The following CFAP43 variants were observed in gnomAD, a reference collection of about 807,000 sequenced individuals.
CFAP43 encodes the protein cilia- and flagella-associated protein 43.
In CFAP43, 155 loss-of-function variants were observed where a neutral mutation model predicts 218.9. The observed-to-expected ratio is 0.71, with a 90% CI of 0.62 to 0.81. The LOEUF (loss-of-function observed/expected upper bound fraction) is 0.81. CFAP43 is among the 30% of genes least tolerant of loss of function. CFAP43 has a pLI of 0.00. For synonymous variants in CFAP43, 645 were observed against 681.3 expected, an observed-to-expected ratio of 0.95 and a Z score of 0.83; for missense variants, 1,778 against 1,954.3, an observed-to-expected ratio of 0.91 and a Z score of 1.70.
chr10:104,188,507 C>A, intron 12 of CFAP43, 97 bp from the exon 13 acceptor site: 1 of 1,429,620 alleles, frequency 7.0e-7, no homozygotes. Context: ...GACTTGCCTT[C>A]ACTATATCTT....
chr10:104,197,898 G>A, intron 9 of CFAP43, 24 bp downstream of exon 9: 1 of 1,458,402 alleles, frequency 6.9e-7, no homozygotes, highest in Non-Finnish European at 9.6e-7. Context: ...TAGTCCTACT[G>A]TGACACAGTA....
At chr10:104,160,318 A>C (rs752057144) in intron 27 of CFAP43, among the ~76,000 whole-genome samples, 5 of 152,246 alleles carry the variant, frequency 3.3e-5, no homozygotes, top group Non-Finnish European at 7.3e-5. Context: ...GGGACCCTAC[A>C]GGGCCACAGT....
intron 34 of CFAP43, among the ~76,000 whole-genome samples, chr10:104,134,901 C>G (rs2087367245): frequency 6.6e-6 from 1 of 152,054 alleles, no homozygotes; most frequent in Admixed American, 6.6e-5. Context: ...TACCTTGATA[C>G]CAAAGCCAGA....
At position 104,140,842 on chromosome 10, in the gene CFAP43, C is replaced by T. The variant is rs2087673618; in HGVS notation, c.4431G>A (p.Arg1477=). The part of the protein sequence containing the change: ...NIIEDLNSVI[R]TQGQKKVASM... ...AAATAAAAATAAAAAGTATAATTAC[C>T]CGAATCACAGAATTCAAGTCTTCAA... Residue 1477 remains arginine, a splice_region_variant and synonymous_variant, in exon 34 of 38, where the codon CGG becomes CGA. Coordinates refer to ENST00000357060, the MANE Select transcript of CFAP43 (RefSeq NM_025145.7). 6.3e-7 allele frequency: 1 copy of T among 1,589,608 alleles called. No individual in the cohort carries two copies. Among genetic ancestry groups the T allele is most frequent in the Admixed American group, 1.9e-5 (1 of 53,754 alleles).
At chr10:104,188,450 A>G (rs1214524543) in intron 12 of CFAP43, 40 bp from the exon 13 acceptor site, 1 of 1,599,970 alleles carries the variant, frequency 6.3e-7, no homozygotes, top group Admixed American at 1.7e-5. Flanking sequence ...GTGGTCATTG[A>G]TAAGTTTAAA....
At chr10:104,167,847 A>G in intron 21 of CFAP43, 110 bp from the exon 22 acceptor site, 2 of 676,644 alleles carry the variant, frequency 3.0e-6, no homozygotes, top group South Asian at 2.5e-5. Flanking sequence ...ATAGGTTATC[A>G]TGTGTTAGTA....
rs1323289860 is a variant in CFAP43 at position 104,161,182 on chromosome 10, C to T, written c.3415-20G>A. 6 of 1,608,686 alleles carry T rather than the reference C, an allele frequency of 3.7e-6. No individual in the cohort carries two copies. Among genetic ancestry groups the T allele is most frequent in the Non-Finnish European group, 5.1e-6 (6 of 1,177,992 alleles). On this transcript the variant is annotated intron_variant, in intron 26 of 37. Coordinates refer to ENST00000357060, the MANE Select transcript of CFAP43 (RefSeq NM_025145.7). Reference sequence around the variant, plus strand: ...AATCACCTGAAGATATGAAGAAAAGCATATATTTCAGCTCAAACGTTAAAT... The same window carrying T: ...AATCACCTGAAGATATGAAGAAAAGTATATATTTCAGCTCAAACGTTAAAT...
At chr10:104,211,306 T>A (rs890675067) in intron 5 of CFAP43, among the ~76,000 whole-genome samples, 7 of 152,194 alleles carry the variant, frequency 4.6e-5, no homozygotes, top group African/African-American at 1.7e-4. Context: ...CTGACAAGAA[T>A]GTAAGCTCCA....
intron 5 of CFAP43, among the ~76,000 whole-genome samples, chr10:104,211,351 G>A (rs2090857011): frequency 6.6e-6 from 1 of 152,138 alleles, no homozygotes; most frequent in South Asian, 2.1e-4. Context: ...GCCACCATGC[G>A]AATCCCATTG....
intron 5 of CFAP43, among the ~76,000 whole-genome samples, chr10:104,210,458 C>A (rs1239451035): frequency 2.0e-5 from 3 of 152,218 alleles, no homozygotes; most frequent in African/African-American, 4.8e-5. Context: ...CCTCCGCCTC[C>A]CGGCTTCAAG....
chr10:104,179,727 C>T, intron 18 of CFAP43, 113 bp downstream of exon 18: 1 of 777,426 alleles, frequency 1.3e-6, no homozygotes, highest in Non-Finnish European at 2.2e-6. Flanking sequence ...AATGCTCTGC[C>T]AAGTGGTGTC....
chr10:104,232,299 G>A lies in CFAP43; in HGVS notation c.-53C>T, dbSNP rs1306543312. The A allele has an allele frequency of 3.5e-5, 52 of 1,505,158 alleles. No individual in the cohort carries two copies. Among genetic ancestry groups the A allele is most frequent in the Admixed American group, 1.1e-4 (5 of 44,246 alleles). The allele number at this position is 1,505,158 out of a possible 1,614,324, so 93.2% of individuals were successfully genotyped here. On this transcript the variant is annotated 5_prime_UTR_variant, in exon 1 of 38. Coordinates refer to ENST00000357060, the MANE Select transcript of CFAP43 (RefSeq NM_025145.7). ...GGCAGCGCACGCAGCACCCCAGGGCGGGTCGGTTACCTTTCCGCCGCCGCG... is the reference window on the plus strand; with the variant it reads ...GGCAGCGCACGCAGCACCCCAGGGCAGGTCGGTTACCTTTCCGCCGCCGCG...
intron 20 of CFAP43, among the ~76,000 whole-genome samples, chr10:104,171,202 T>G (rs865786367): frequency 2.0e-5 from 3 of 152,204 alleles, no homozygotes; most frequent in Non-Finnish European, 4.4e-5. Flanking sequence ...ACAGCAGAAA[T>G]GTGTCTGTCT....
chr10:104,144,326 T>A (rs2087851227), intron 31 of CFAP43, among the ~76,000 whole-genome samples: 1 of 152,188 alleles, frequency 6.6e-6, no homozygotes, highest in South Asian at 2.1e-4. Context: ...AGAAGGTATG[T>A]AATTGGGCTA....
intron 20 of CFAP43, among the ~76,000 whole-genome samples, chr10:104,171,893 G>A (rs990898503): frequency 2.6e-5 from 4 of 152,164 alleles, no homozygotes; most frequent in Non-Finnish European, 2.9e-5. Flanking sequence ...TGATGATGAC[G>A]AGGCTATTGA....
intron 20 of CFAP43, among the ~76,000 whole-genome samples, chr10:104,172,167 G>A (rs967032039): frequency 1.3e-5 from 2 of 152,220 alleles, no homozygotes; most frequent in African/African-American, 2.4e-5. Context: ...TGGCTGGCAC[G>A]AATGTCATGG....
intron 7 of CFAP43, among the ~76,000 whole-genome samples, chr10:104,205,659 G>A (rs2090665018): frequency 6.6e-6 from 1 of 152,202 alleles, no homozygotes; most frequent in Non-Finnish European, 1.5e-5. Flanking sequence ...GTGTAGAAAT[G>A]AGCATGGAAT....
chr10:104,207,622 C>T, intron 6 of CFAP43, 43 bp downstream of exon 6: 1 of 1,547,736 alleles, frequency 6.5e-7, no homozygotes, highest in Non-Finnish European at 8.7e-7. Context: ...AAAAAACCAA[C>T]ACCCATGGCT....
At chr10:104,147,127 C>A (rs1346901486) in intron 29 of CFAP43, among the ~76,000 whole-genome samples, 1 of 151,632 alleles carries the variant, frequency 6.6e-6, no homozygotes, top group Non-Finnish European at 1.5e-5. Context: ...ACAGTTCCAG[C>A]TGCTGCTCTA....
Sources: allele counts gnomAD v4.1 joint callset (sites outside exome capture counted in the v4.1 genomes callset), GRCh38; gene constraint gnomAD v4.1.1; transcripts MANE v1.5; gene names NCBI Gene and HGNC (gene_info 2026-07-23, HGNC 2026-07-21).